Variants in DPH1 observed in about 807,000 individuals in gnomAD.
The protein encoded by DPH1 is diphthamide biosynthesis 1, also known as 2-(3-amino-3-carboxypropyl)histidine synthase subunit 1.
DPH1 carries 59 observed loss-of-function variants against 55.3 expected under a neutral mutation model. The ratio of observed to expected loss-of-function variants is 1.07; its 90% CI spans 0.87 to 1.33. The LOEUF (loss-of-function observed/expected upper bound fraction) is 1.33, where lower values mean the gene tolerates loss of function less well. Ranked by LOEUF, DPH1 falls within the 40% of genes most tolerant of loss-of-function variation. DPH1 has a pLI of 0.00. For synonymous variants in DPH1, 238 were observed against 235.5 expected (o/e 1.01, Z -0.10); for missense variants, 628 against 584.8 (o/e 1.07, Z -0.76).
intron 1 of DPH1, 142 bp downstream of exon 1, chr17:2,030,372 C>A: frequency 5.7e-6 from 6 of 1,047,216 alleles, no homozygotes; most frequent in Non-Finnish European, 6.7e-6. Flanking sequence ...CCGCTGTCAC[C>A]AGCTCGGGGT....
chr17:2,038,854 C>G (rs1257719368), intron 6 of DPH1: 3 of 152,230 alleles, frequency 2.0e-5, no homozygotes, highest in Non-Finnish European at 4.4e-5. Context: ...GTGGCCTCAC[C>G]ACGGCCGGCT....
chr17:2,036,128 C>A lies in DPH1; in HGVS notation c.400+37C>A. On this transcript the variant is annotated intron_variant, in intron 4 of 12. Coordinates refer to ENST00000263083, the MANE Select transcript of DPH1 (RefSeq NM_001383.6). This position sits in a 1 kb window ranked among gnomAD's most constrained non-coding sequence, Gnocchi z 4.8. ...CCAGGACACCTGGACGGTGGCGGGG[C>A]TGGCAGGGAGGCAGGCTGCACATTC... The A allele has an allele frequency of 6.2e-7, 1 of 1,609,754 alleles. No individual in the cohort carries two copies. The highest frequency in any genetic ancestry group is 8.5e-7 in the Non-Finnish European group (1 of 1,177,456).
intron 12 of DPH1, 102 bp from the exon 13 acceptor site, chr17:2,042,503 T>C: frequency 6.9e-7 from 1 of 1,442,850 alleles, no homozygotes; most frequent in Non-Finnish European, 9.1e-7. Flanking sequence ...CTCGATTCCC[T>C]TTTTCTCTCT....
chr17:2,040,998 GCCTGTTAATGAA>G, intron 9 of DPH1, 93 bp from the exon 10 acceptor site: 1 of 1,075,418 alleles, frequency 9.3e-7, no homozygotes, highest in South Asian at 1.3e-5. Flanking sequence ...GATTCATAAA[GCCTGTTAATGAA>G]TGGGTGTGCT....
chr17:2,042,184 ACCCGGTCCCCGACCC>A (rs2151357752), intron 12 of DPH1: 1 of 1,444,076 alleles, frequency 6.9e-7, no homozygotes, highest in Non-Finnish European at 9.0e-7. Context: ...AGCGGCCCGC[ACCCGGTCCCCGACCC>A]CCCGGGCCCC....
Position 2,041,155 on chromosome 17 carries a change from C to T in DPH1, c.1060C>T (p.Pro354Ser). The change falls in exon 10 of 13, where the codon CCC becomes TCC. Residue 354 changes from proline to serine, a missense_variant. Physicochemically the swap from Pro to Ser is moderately conservative, Grantham distance 74. Coordinates refer to ENST00000263083, the MANE Select transcript of DPH1 (RefSeq NM_001383.6). Reference sequence around the variant, plus strand: ...CTCCATTGACTGGGGCACAGCCTTCCCCAAGCCGCTGCTGACACCCTATGA... The same window carrying T: ...CTCCATTGACTGGGGCACAGCCTTCTCCAAGCCGCTGCTGACACCCTATGA... ...RLSIDWGTAF[P>S]KPLLTPYEAA... 3.1e-6 allele frequency: 5 copies of T among 1,606,170 alleles called. No homozygotes were observed. The highest frequency in any genetic ancestry group is 3.4e-6 in the Non-Finnish European group (4 of 1,176,382).
intron 7 of DPH1, 106 bp from the exon 8 acceptor site, chr17:2,040,112 G>C: frequency 2.0e-6 from 3 of 1,466,738 alleles, no homozygotes; most frequent in East Asian, 2.3e-5. Context: ...AATTACCTGC[G>C]TGGGGCCTAA....
At position 2,042,946 on chromosome 17, in the gene DPH1, G is replaced by C; in HGVS notation, c.*360G>C. On this transcript the variant is annotated 3_prime_UTR_variant, in exon 13 of 13. Coordinates refer to ENST00000263083, the MANE Select transcript of DPH1 (RefSeq NM_001383.6). ...GTCATTGCCTTCGCTCCATGTTTTT[G>C]GGGACACTGACAAAGTCATCCCCTC... 1 of 1,614,134 alleles carries C rather than the reference G, an allele frequency of 6.2e-7. No homozygotes were observed. Among genetic ancestry groups the C allele is most frequent in the Non-Finnish European group, 8.5e-7 (1 of 1,180,030 alleles).
At chr17:2,040,709 G>C (rs2067505142) in intron 9 of DPH1, 104 bp downstream of exon 9, 2 of 1,338,432 alleles carry the variant, frequency 1.5e-6, no homozygotes, top group Non-Finnish European at 2.1e-6. Flanking sequence ...CCATGGTCAT[G>C]GAATTTTACT....
intron 7 of DPH1, among the ~76,000 whole-genome samples, 193 bp downstream of exon 7, chr17:2,040,016 G>A (rs559816487): frequency 6.6e-5 from 10 of 152,330 alleles, no homozygotes; most frequent in East Asian, 3.9e-4. Context: ...GGGTTTACAC[G>A]GAGATCTTAA....
chr17:2,039,669 G>GC (rs2067482781), intron 6 of DPH1, 86 bp from the exon 7 acceptor site: 1 of 1,559,178 alleles, frequency 6.4e-7, no homozygotes, highest in African/African-American at 1.4e-5. Context: ...GAGCCACCGC[G>GC]CCCGGCCAGC....
intron 10 of DPH1, 38 bp from the exon 11 acceptor site, chr17:2,041,443 A>G (rs775766420): frequency 3.2e-6 from 5 of 1,573,664 alleles, no homozygotes; most frequent in Admixed American, 1.8e-5. Context: ...GCAGAAAAAC[A>G]CTGGCAGATG....
rs1367342828 is a variant in DPH1 at position 2,041,813 on chromosome 17, G to A, written c.1273G>A (p.Asp425Asn). 2 of 1,606,540 alleles carry A rather than the reference G, an allele frequency of 1.2e-6. No individual in the cohort carries two copies. Among genetic ancestry groups the A allele is most frequent in the Non-Finnish European group, 1.7e-6 (2 of 1,177,404 alleles). ...ARPPSAVACE[D>N]CSCRDEKVAP... ...TCCCCCTTCGGCCGTGGCTTGCGAGGACTGCAGCTGCAGGGACGAGAAGGT... is the reference window on the plus strand; with the variant it reads ...TCCCCCTTCGGCCGTGGCTTGCGAGAACTGCAGCTGCAGGGACGAGAAGGT... Residue 425 changes from aspartate (D) to asparagine (N), a missense_variant, in exon 12 of 13, where the codon GAC (aspartate) becomes AAC (asparagine). By Grantham distance (23) the Asp-to-Asn change is conservative. Coordinates refer to ENST00000263083, the MANE Select transcript of DPH1 (RefSeq NM_001383.6).
intron 3 of DPH1, among the ~76,000 whole-genome samples, chr17:2,035,496 AGGG>A (rs1456397620): frequency 1.1e-4 from 5 of 46,190 alleles, no homozygotes; most frequent in Non-Finnish European, 1.8e-4. Context: ...TGTGGTGGGG[AGGG>A]GGTGGGGGCC....
At chr17:2,040,190 A>C (rs751497311) in intron 7 of DPH1, 28 bp from the exon 8 acceptor site, 14 of 1,611,600 alleles carry the variant, frequency 8.7e-6, no homozygotes, top group Non-Finnish European at 1.2e-5. Flanking sequence ...AGTGGCTGCC[A>C]CAGTGACCCT....
intron 3 of DPH1, 27 bp downstream of exon 3, chr17:2,033,869 G>A (rs369325322): frequency 6.2e-7 from 1 of 1,613,202 alleles, no homozygotes; most frequent in Non-Finnish European, 8.5e-7. Context: ...TGGAGAGGAG[G>A]GTGAGCCAGG....
At position 2,043,479 on chromosome 17, in the gene DPH1, G is replaced by A; in HGVS notation, c.*893G>A. 1 of 199,696 alleles carries A rather than the reference G, an allele frequency of 5.0e-6. No homozygotes were observed. Among genetic ancestry groups the A allele is most frequent in the Admixed American group, 5.4e-5 (1 of 18,458 alleles). The allele number at this position is 199,696 out of a possible 1,614,324, so 12.4% of individuals were successfully genotyped here. ...AGAAAAACATTTTATAATGGAAGTC[G>A]GTTTCTTGGCCATCTACATAGTTTT... On this transcript the variant is annotated 3_prime_UTR_variant, in exon 13 of 13. Transcript: ENST00000263083.
chr17:2,042,468 CCT>C (rs796095859), intron 12 of DPH1, 135 bp from the exon 13 acceptor site: 586 of 1,332,300 alleles, frequency 4.4e-4, no homozygotes, highest in Non-Finnish European at 5.5e-4. Context: ...TCATTTCCCC[CCT>C]CTCATTTCCC....
At position 2,036,255 on chromosome 17, in the gene DPH1, C is replaced by A; in HGVS notation, c.400+164C>A. On this transcript the variant is annotated intron_variant, in intron 4 of 12. Transcript: ENST00000263083. This position sits in a 1 kb window ranked among gnomAD's most constrained non-coding sequence, Gnocchi z 4.8. The stretch of plus-strand genomic sequence containing the variant: ...TTCCCGCTCTGCAGGTAGATCTTTC[C>A]TTTGGATTTGGTTGCCTTGGCAACG... 7.5e-7 allele frequency: 1 copy of A among 1,338,528 alleles called. No individual in the cohort carries two copies. Among genetic ancestry groups the A allele is most frequent in the Non-Finnish European group, 9.9e-7 (1 of 1,006,744 alleles). 82.9% of individuals were successfully genotyped at this position (1,338,528 alleles called of 1,614,324 possible). A position where few individuals can be genotyped will look rare whatever the true frequency, so the allele number is the denominator to read the frequency against.
Sources: allele counts gnomAD v4.1 joint callset (sites outside exome capture counted in the v4.1 genomes callset), GRCh38; gene constraint gnomAD v4.1.1; non-coding constraint Gnocchi (gnomAD v3.1); transcripts MANE v1.5; gene names NCBI Gene and HGNC (gene_info 2026-07-23, HGNC 2026-07-21).